TSHZ3: variants seen among roughly 807,000 people sequenced by gnomAD.
The protein encoded by TSHZ3 is teashirt homolog 3.
In TSHZ3, 10 loss-of-function variants were observed where a neutral mutation model predicts 64.5. The observed-to-expected ratio is 0.16, with a 90% confidence interval of 0.10 to 0.26. TSHZ3 has a LOEUF of 0.26. Among genes scored for constraint, TSHZ3 ranks in the 10% least tolerant of loss-of-function variants. The pLI, the probability that TSHZ3 is intolerant of heterozygous loss-of-function variation, is 1.00. For synonymous variants in TSHZ3, 608 were observed against 593.1 expected (o/e 1.03, Z -0.36); for missense variants, 1,242 against 1,421.7 (o/e 0.87, Z 2.03).
At chr19:31,310,185 A>G (rs1158470087) in intron 1 of TSHZ3, among the ~76,000 whole-genome samples, 4 of 152,054 alleles carry the variant, frequency 2.6e-5, no homozygotes, top group Admixed American at 2.0e-4. Context: ...CGGTGTCTCA[A>G]CCTTCTCATG....
intron 5 of TSHZ3, among the ~76,000 whole-genome samples, chr19:31,196,192 A>C (rs1974990915): frequency 6.6e-6 from 1 of 151,982 alleles, no homozygotes; most frequent in African/African-American, 2.4e-5. Flanking sequence ...TATTCACATT[A>C]TCCATGAAGC....
At chr19:31,335,407 G>A (rs10404277) in intron 1 of TSHZ3, among the ~76,000 whole-genome samples, 25,608 of 152,106 alleles carry the variant, frequency 0.17, 2,641 homozygotes, top group East Asian at 0.47. Context: ...TCCCCTGCCC[G>A]GACACTGCCA....
chr19:31,252,712 C>T (rs780110744), intron 1 of TSHZ3, among the ~76,000 whole-genome samples: 15 of 152,304 alleles, frequency 9.8e-5, no homozygotes, highest in Middle Eastern at 3.4e-3. Flanking sequence ...CCCAGCCATG[C>T]GGAACTGAGT....
intron 4 of TSHZ3, among the ~76,000 whole-genome samples, chr19:31,221,885 G>C (rs1975398503): frequency 6.6e-6 from 1 of 152,076 alleles, no homozygotes; most frequent in African/African-American, 2.4e-5. Context: ...CTCTGTCTTG[G>C]GTCTTGTAAG....
At chr19:31,332,247 T>C (rs953933698) in intron 1 of TSHZ3, among the ~76,000 whole-genome samples, 30 of 152,164 alleles carry the variant, frequency 2.0e-4, no homozygotes, top group African/African-American at 6.3e-4. Context: ...TAGTAATTGA[T>C]TACAGAGACA....
At chr19:31,236,784 A>G (rs1975622032) in intron 3 of TSHZ3, among the ~76,000 whole-genome samples, 1 of 152,210 alleles carries the variant, frequency 6.6e-6, no homozygotes, top group African/African-American at 2.4e-5. Context: ...CTATGACACC[A>G]AAAGCACAGG....
chr19:31,299,220 A>G (rs1454566111), intron 1 of TSHZ3, among the ~76,000 whole-genome samples: 1 of 152,142 alleles, frequency 6.6e-6, no homozygotes, highest in Admixed American at 6.5e-5. Context: ...ACACAACCGC[A>G]TGGCGACTCT....
At chr19:31,243,079 C>A (rs1179383904) in intron 1 of TSHZ3, among the ~76,000 whole-genome samples, 1 of 152,158 alleles carries the variant, frequency 6.6e-6, no homozygotes, top group Non-Finnish European at 1.5e-5. Context: ...TCCTTTAATC[C>A]AGTCAAGTTG....
chr19:31,334,568 G>A (rs1293189824), intron 1 of TSHZ3, among the ~76,000 whole-genome samples: 1 of 152,184 alleles, frequency 6.6e-6, no homozygotes, highest in Non-Finnish European at 1.5e-5. Context: ...AAGCCAGCAG[G>A]GTGGGGGCTG....
intron 5 of TSHZ3, among the ~76,000 whole-genome samples, chr19:31,169,267 G>C (rs1289455704): frequency 2.0e-5 from 3 of 152,204 alleles, no homozygotes; most frequent in African/African-American, 7.2e-5. Context: ...ATATGACCCA[G>C]CAACTCCGCT....
intron 1 of TSHZ3, among the ~76,000 whole-genome samples, chr19:31,302,581 T>C (rs1013103734): frequency 1.3e-5 from 2 of 152,210 alleles, no homozygotes; most frequent in Non-Finnish European, 2.9e-5. Flanking sequence ...ATTCCAAACA[T>C]ACAGACATTT....
At chr19:31,257,113 G>A (rs758985440) in intron 1 of TSHZ3, among the ~76,000 whole-genome samples, 11 of 152,102 alleles carry the variant, frequency 7.2e-5, no homozygotes, top group South Asian at 6.2e-4. Flanking sequence ...TTCAGGGAGC[G>A]CTTTGTAGGA....
chr19:31,217,552 C>T (rs1975350205), intron 4 of TSHZ3, among the ~76,000 whole-genome samples: 1 of 152,114 alleles, frequency 6.6e-6, no homozygotes, highest in African/African-American at 2.4e-5. Flanking sequence ...AGAGATTTCC[C>T]ATGTGCCCCC....
rs12461253 is a variant in TSHZ3 at position 31,278,857 on chromosome 19, G to A, written c.936C>T (p.Val312=). ...KVPLKEPVTP[V]AAKIIPATRK... ...GAGTGGCAGGGATGATTTTGGCGGC[G>A]ACAGGAGTGACGGGTTCCTTCAGAG... The change falls in exon 2 of 2, where the codon GTC becomes GTT. Residue 312 remains valine (V), a synonymous_variant. Coordinates refer to ENST00000240587, the MANE Select transcript of TSHZ3 (RefSeq NM_020856.4). The surrounding 1 kb of genome is among the most constrained non-coding windows in gnomAD (Gnocchi z 4.7). The A allele has an allele frequency of 0.3, 485,009 of 1,613,730 alleles. 75,113 individuals carry two copies. The highest frequency in any genetic ancestry group is 0.55 in the East Asian group (24,744 of 44,814).
At chr19:31,246,139 A>T (rs1055333326) in intron 1 of TSHZ3, among the ~76,000 whole-genome samples, 1 of 152,192 alleles carries the variant, frequency 6.6e-6, no homozygotes, top group Non-Finnish European at 1.5e-5. Flanking sequence ...TTTTAAATTT[A>T]AAAAAGTATG....
At chr19:31,190,380 T>G (rs1395109433) in intron 5 of TSHZ3, among the ~76,000 whole-genome samples, 2 of 152,138 alleles carry the variant, frequency 1.3e-5, no homozygotes, top group Non-Finnish European at 2.9e-5. Flanking sequence ...CATAGGAGAT[T>G]TATTCAGCCA....
chr19:31,209,963 T>C (rs757544016), intron 4 of TSHZ3, among the ~76,000 whole-genome samples: 2 of 152,008 alleles, frequency 1.3e-5, no homozygotes, highest in Admixed American at 6.6e-5. Flanking sequence ...CAGTGAGCCA[T>C]GTGGAAGCAT....
chr19:31,316,191 T>A (rs1475947864), intron 1 of TSHZ3, among the ~76,000 whole-genome samples: 1 of 152,092 alleles, frequency 6.6e-6, no homozygotes, highest in Non-Finnish European at 1.5e-5. Context: ...ACCAGCAGCT[T>A]TGTTTTCAGG....
At position 31,276,672 on chromosome 19, in the gene TSHZ3, A is replaced by T. The variant is rs767215229; in HGVS notation, c.3121T>A (p.Tyr1041Asn). ...SSPEEDLGTS[Y>N]QCKLCNRTFA... is the part of the protein sequence containing the mutation. ...GTCCGATTGCAAAGTTTGCACTGAT[A>T]GGAAGTCCCCAGGTCTTCCTCGGGG... The change falls in exon 2 of 2, where the codon TAT becomes AAT. Residue 1041 changes from tyrosine to asparagine, a missense_variant. This residue lies in a region of TSHZ3 where 126 missense variants were observed against 140.6 expected (regional missense o/e 0.90). Transcript: ENST00000240587. The T allele has an allele frequency of 1.2e-6, 2 of 1,613,782 alleles. No individual in the cohort carries two copies. Among genetic ancestry groups the T allele is most frequent in the Admixed American group, 1.7e-5 (1 of 60,008 alleles).
Sources: gnomAD v4.1 joint callset for allele counts (sites outside exome capture counted in the v4.1 genomes callset) on GRCh38, gnomAD v4.1.1 for gene constraint, gnomAD v4.1.1 regional missense constraint, Gnocchi (gnomAD v3.1) non-coding constraint, MANE v1.5 for transcripts, NCBI Gene and HGNC (gene_info 2026-07-23, HGNC 2026-07-21) for gene names.